The following ZNF385D variants were observed in gnomAD, a reference collection of about 807,000 sequenced individuals.
ZNF385D encodes the protein zinc finger protein 385D.
In ZNF385D, 15 loss-of-function variants were observed where a neutral mutation model predicts 35.8. The observed-to-expected ratio is 0.42, with a 90% confidence interval of 0.28 to 0.64. The LOEUF (loss-of-function observed/expected upper bound fraction) is 0.64, where lower values mean the gene tolerates loss of function less well. Ranked by LOEUF, ZNF385D falls within the 30% of genes least tolerant of loss-of-function variation. The probability of loss-of-function intolerance (pLI) is 0.23; values close to 1 mark genes in which losing one functional copy is unlikely to be tolerated. For missense variants in ZNF385D, 474 were observed against 494.6 expected, an observed-to-expected ratio of 0.96 and a Z score of 0.39; for synonymous variants, 212 against 186.8, an observed-to-expected ratio of 1.13 and a Z score of -1.10.
chr3:21,981,820 G>A (rs1367078238), intron 3 of ZNF385D, among the ~76,000 whole-genome samples: 1 of 152,020 alleles, frequency 6.6e-6, no homozygotes, highest in East Asian at 1.9e-4. Flanking sequence ...TGAATAAGAA[G>A]TCTTTTCACC....
At chr3:21,481,726 T>C (rs903381926) in intron 4 of ZNF385D, among the ~76,000 whole-genome samples, 2 of 152,120 alleles carry the variant, frequency 1.3e-5, no homozygotes, top group Admixed American at 1.3e-4. Context: ...GGAAGTCTTT[T>C]TTATTGACTT....
intron 2 of ZNF385D, among the ~76,000 whole-genome samples, chr3:22,325,081 C>T (rs551124594): frequency 1.5e-4 from 23 of 152,280 alleles, no homozygotes; most frequent in Middle Eastern, 3.4e-3. Context: ...GTATAGTGCA[C>T]GCCACAGAGT....
chr3:22,344,214 A>C (rs1695552821), intron 2 of ZNF385D, among the ~76,000 whole-genome samples: 1 of 119,084 alleles, frequency 8.4e-6, no homozygotes, highest in African/African-American at 3.6e-5. Flanking sequence ...GTGAAATTAC[A>C]TGACCAGGAA....
intron 3 of ZNF385D, among the ~76,000 whole-genome samples, chr3:21,999,979 G>A (rs750600146): frequency 6.6e-6 from 1 of 152,030 alleles, no homozygotes; most frequent in African/African-American, 2.4e-5. Context: ...GACACAAGAA[G>A]CTCAAAAATC....
intron 4 of ZNF385D, among the ~76,000 whole-genome samples, chr3:21,442,667 CT>C (rs5847097): frequency 0.015 from 2,164 of 143,920 alleles, 24 homozygotes; most frequent in Middle Eastern, 0.04. Context: ...TATTTGTGGG[CT>C]TTTTTTTTTT....
intron 2 of ZNF385D, among the ~76,000 whole-genome samples, chr3:22,327,957 G>A (rs921761682): frequency 1.3e-5 from 2 of 152,178 alleles, no homozygotes; most frequent in Non-Finnish European, 2.9e-5. Flanking sequence ...AGAAACTGAA[G>A]TAACATTAAG....
At chr3:21,758,191 C>T (rs931807139) in intron 3 of ZNF385D, among the ~76,000 whole-genome samples, 2 of 152,176 alleles carry the variant, frequency 1.3e-5, no homozygotes, top group South Asian at 4.1e-4. Context: ...TTTCCGTGAT[C>T]TGTTAAGTTG....
chr3:22,141,667 G>GGGA (rs146577130), intron 3 of ZNF385D, among the ~76,000 whole-genome samples: 4 of 151,762 alleles, frequency 2.6e-5, no homozygotes, highest in African/African-American at 4.8e-5. Flanking sequence ...CCGCCCCTGG[G>GGGA]GGAGGAGGAG....
intron 3 of ZNF385D, among the ~76,000 whole-genome samples, chr3:21,845,721 A>G (rs933533696): frequency 2.0e-5 from 3 of 152,026 alleles, no homozygotes; most frequent in Admixed American, 2.0e-4. Context: ...ATCTTCAGTG[A>G]GAAGGCTTAA....
At chr3:21,837,507 G>A (rs950579234) in intron 3 of ZNF385D, among the ~76,000 whole-genome samples, 3 of 151,994 alleles carry the variant, frequency 2.0e-5, no homozygotes, top group Non-Finnish European at 2.9e-5. Context: ...ACAGGTGCAT[G>A]GCTTTGGAAT....
intron 2 of ZNF385D, among the ~76,000 whole-genome samples, chr3:22,262,421 T>C (rs568783938): frequency 1.2e-4 from 19 of 152,114 alleles, no homozygotes; most frequent in African/African-American, 4.1e-4. Context: ...AACCCAATCA[T>C]TGAGATATTT....
At chr3:21,887,054 T>C (rs777548655) in intron 3 of ZNF385D, among the ~76,000 whole-genome samples, 5 of 152,168 alleles carry the variant, frequency 3.3e-5, no homozygotes, top group South Asian at 2.1e-4. Flanking sequence ...TCCTTTCTTA[T>C]GGATGTGTCA....
chr3:22,037,733 T>G (rs1396524251), intron 3 of ZNF385D, among the ~76,000 whole-genome samples: 1 of 152,158 alleles, frequency 6.6e-6, no homozygotes, highest in African/African-American at 2.4e-5. Context: ...TTTGTCAATT[T>G]TGGCTTTTGT....
At chr3:21,761,750 T>C (rs535200229) in intron 3 of ZNF385D, among the ~76,000 whole-genome samples, 6 of 77,972 alleles carry the variant, frequency 7.7e-5, no homozygotes, top group South Asian at 4.8e-4. Context: ...AATTTTCTCA[T>C]TGGATTCTTC....
chr3:22,305,527 C>T (rs752977816), intron 2 of ZNF385D, among the ~76,000 whole-genome samples: 4 of 152,106 alleles, frequency 2.6e-5, no homozygotes, highest in African/African-American at 7.2e-5. Flanking sequence ...GTCATCTTCC[C>T]CGTGTCTCAG....
intron 3 of ZNF385D, among the ~76,000 whole-genome samples, chr3:21,757,851 T>A (rs938559716): frequency 1.3e-5 from 2 of 152,206 alleles, no homozygotes; most frequent in African/African-American, 4.8e-5. Context: ...GACATGTATA[T>A]CATGTTCATG....
At chr3:22,034,590 T>C (rs1186727613) in intron 3 of ZNF385D, among the ~76,000 whole-genome samples, 1 of 152,186 alleles carries the variant, frequency 6.6e-6, no homozygotes, top group African/African-American at 2.4e-5. Flanking sequence ...ATTAATATCA[T>C]ATATTTAAGA....
At chr3:22,365,432 G>C (rs535655442) in intron 2 of ZNF385D, among the ~76,000 whole-genome samples, 11 of 151,966 alleles carry the variant, frequency 7.2e-5, no homozygotes, top group Non-Finnish European at 1.5e-4. Flanking sequence ...CTCATTAGCT[G>C]ATATTTCTAT....
At chr3:21,836,742 A>G (rs1575748171) in intron 3 of ZNF385D, among the ~76,000 whole-genome samples, 1 of 152,230 alleles carries the variant, frequency 6.6e-6, no homozygotes, top group East Asian at 1.9e-4. Context: ...TTTTACATAT[A>G]TAAAATATTA....
Sources: allele counts gnomAD v4.1 joint callset (sites outside exome capture counted in the v4.1 genomes callset), GRCh38; gene constraint gnomAD v4.1.1; transcripts MANE v1.5; gene names NCBI Gene and HGNC (gene_info 2026-07-23, HGNC 2026-07-21).